Variants in GMDS observed in about 807,000 individuals in gnomAD.
The protein encoded by GMDS is GDP-mannose 4,6 dehydratase.
GMDS carries 20 observed loss-of-function variants against 49.9 expected under a neutral mutation model. The observed-to-expected ratio is 0.40, with a 90% CI of 0.28 to 0.58. GMDS has a LOEUF of 0.58. GMDS is among the 20% of genes least tolerant of loss of function. GMDS has a pLI of 0.42. For synonymous variants in GMDS, 177 were observed against 178.6 expected, an observed-to-expected ratio of 0.99 and a Z score of 0.07; for missense variants, 362 against 481.4, an observed-to-expected ratio of 0.75 and a Z score of 2.32.
intron 7 of GMDS, among the ~76,000 whole-genome samples, chr6:1,879,624 C>G (rs1217672589): frequency 1.3e-5 from 2 of 151,344 alleles, no homozygotes; most frequent in African/African-American, 2.4e-5. Context: ...GAGAGAAGTG[C>G]CTTTCACTAT....
At chr6:1,653,940 G>C (rs529572977) in intron 9 of GMDS, among the ~76,000 whole-genome samples, 2 of 152,268 alleles carry the variant, frequency 1.3e-5, no homozygotes, top group South Asian at 4.1e-4. Context: ...AGTAAAAGCA[G>C]ACAAAGTGGA....
intron 7 of GMDS, among the ~76,000 whole-genome samples, chr6:1,860,592 A>G (rs1375820552): frequency 1.3e-5 from 2 of 152,202 alleles, no homozygotes; most frequent in East Asian, 3.9e-4. Flanking sequence ...CTACATACTA[A>G]TAACAGTACA....
intron 7 of GMDS, among the ~76,000 whole-genome samples, chr6:1,897,360 C>T (rs1174071787): frequency 6.6e-6 from 1 of 152,150 alleles, no homozygotes; most frequent in Non-Finnish European, 1.5e-5. Context: ...AATACGGTCA[C>T]ATTCTGAGGT....
At chr6:1,763,163 C>T (rs750730747) in intron 7 of GMDS, among the ~76,000 whole-genome samples, 7 of 152,296 alleles carry the variant, frequency 4.6e-5, no homozygotes, top group South Asian at 2.1e-4. Flanking sequence ...TGGACACGTG[C>T]GAAGATGCTG....
intron 4 of GMDS, among the ~76,000 whole-genome samples, chr6:2,067,415 A>C (rs1251714961): frequency 1.3e-5 from 2 of 150,972 alleles, no homozygotes; most frequent in African/African-American, 4.9e-5. Context: ...AACTAAAATC[A>C]GAGCAGAACT....
At chr6:1,653,130 G>A (rs1763768552) in intron 9 of GMDS, among the ~76,000 whole-genome samples, 1 of 151,856 alleles carries the variant, frequency 6.6e-6, no homozygotes, top group South Asian at 2.1e-4. Flanking sequence ...CGTCCCCAAG[G>A]TGCCAGTGTC....
At chr6:1,929,144 T>G (rs1762167150) in intron 7 of GMDS, among the ~76,000 whole-genome samples, 1 of 152,228 alleles carries the variant, frequency 6.6e-6, no homozygotes, top group Non-Finnish European at 1.5e-5. Flanking sequence ...GCCTCATCTC[T>G]GCACTAGCAA....
At chr6:1,650,776 C>T (rs190615878) in intron 9 of GMDS, among the ~76,000 whole-genome samples, 56 of 151,932 alleles carry the variant, frequency 3.7e-4, no homozygotes, top group East Asian at 1.9e-3. Flanking sequence ...ATGGGGGTTT[C>T]GCCATGTTGT....
chr6:2,173,202 T>C (rs1236276072), intron 1 of GMDS, among the ~76,000 whole-genome samples: 2 of 152,184 alleles, frequency 1.3e-5, no homozygotes, highest in Non-Finnish European at 2.9e-5. Flanking sequence ...CTGAAGAAAA[T>C]TGAGTCTTAA....
At chr6:2,183,617 A>G (rs1248216941) in intron 1 of GMDS, among the ~76,000 whole-genome samples, 2 of 152,252 alleles carry the variant, frequency 1.3e-5, no homozygotes, top group Admixed American at 1.3e-4. Flanking sequence ...GGGTTTGAGA[A>G]GATTGATTCC....
intron 4 of GMDS, among the ~76,000 whole-genome samples, chr6:2,111,987 A>G (rs1186246646): frequency 6.6e-6 from 1 of 152,202 alleles, no homozygotes; most frequent in South Asian, 2.1e-4. Context: ...CAGCAACCTG[A>G]CAGATGAGCA....
intron 4 of GMDS, among the ~76,000 whole-genome samples, chr6:2,035,051 A>C (rs1769212800): frequency 6.6e-6 from 1 of 152,126 alleles, no homozygotes; most frequent in African/African-American, 2.4e-5. Context: ...CATAAGAAAA[A>C]ATGATTTAAG....
At chr6:1,943,956 T>C (rs920275326) in intron 6 of GMDS, among the ~76,000 whole-genome samples, 7 of 152,232 alleles carry the variant, frequency 4.6e-5, no homozygotes, top group African/African-American at 1.2e-4. Context: ...TATAGAGATA[T>C]GTATATCATC....
chr6:2,175,857 A>G, intron 1 of GMDS: 1 of 767,942 alleles, frequency 1.3e-6, no homozygotes, highest in Admixed American at 2.0e-5. Context: ...AAGTTCATGA[A>G]CCCACATAAA....
At chr6:2,054,760 A>G (rs1406691200) in intron 4 of GMDS, among the ~76,000 whole-genome samples, 1 of 152,110 alleles carries the variant, frequency 6.6e-6, no homozygotes, top group South Asian at 2.1e-4. Context: ...AGGGGGGGAA[A>G]AAAAAAACAT....
chr6:2,141,795 G>A (rs1227130565), intron 1 of GMDS, among the ~76,000 whole-genome samples: 4 of 151,816 alleles, frequency 2.6e-5, no homozygotes, highest in African/African-American at 7.3e-5. Context: ...CCATCTCCAA[G>A]GCCACTGACT....
At chr6:2,107,244 G>A (rs1169142211) in intron 4 of GMDS, among the ~76,000 whole-genome samples, 3 of 152,136 alleles carry the variant, frequency 2.0e-5, no homozygotes, top group African/African-American at 7.2e-5. Flanking sequence ...AACTTTCATA[G>A]AGTGTTCTCT....
intron 4 of GMDS, among the ~76,000 whole-genome samples, chr6:1,965,487 A>C (rs1764212899): frequency 6.6e-6 from 1 of 152,236 alleles, no homozygotes; most frequent in Admixed American, 6.5e-5. Flanking sequence ...CCTTAAAAAA[A>C]GAAAATCTGA....
Position 2,192,246 on chromosome 6 carries a change from G to T in GMDS, c.102+53075C>A, listed in dbSNP as rs1012002562. On this transcript the variant is annotated intron_variant, in intron 1 of 10. Coordinates refer to ENST00000380815, the MANE Select transcript of GMDS (RefSeq NM_001500.4). ...AGAGAGGAGCTACCCTCTCTGCTAGGAGCTGAACACTCATCGGGACACCCT... is the reference window on the plus strand; with the variant it reads ...AGAGAGGAGCTACCCTCTCTGCTAGTAGCTGAACACTCATCGGGACACCCT... 1.7e-4 allele frequency among the ~76,000 whole-genome samples: 26 copies of T among 152,112 alleles called. 1 individual carries two copies. The highest frequency in any genetic ancestry group is 6.0e-4 in the African/African-American group (25 of 41,430).
Sources: allele counts gnomAD v4.1 joint callset (sites outside exome capture counted in the v4.1 genomes callset), GRCh38; gene constraint gnomAD v4.1.1; transcripts MANE v1.5; gene names NCBI Gene and HGNC (gene_info 2026-07-23, HGNC 2026-07-21).